Variants in PLCB1 observed in about 807,000 individuals in gnomAD.
The protein encoded by PLCB1 is phospholipase C beta 1.
Under a neutral mutation model 161.8 loss-of-function variants are expected in PLCB1, and 46 were observed. The observed-to-expected ratio is 0.28, with a 90% confidence interval of 0.22 to 0.36. The LOEUF (loss-of-function observed/expected upper bound fraction) is 0.36. Ranked by LOEUF, PLCB1 falls within the 10% of genes least tolerant of loss-of-function variation. The pLI, the probability that PLCB1 is intolerant of heterozygous loss-of-function variation, is 1.00. For missense variants in PLCB1, 1,016 were observed against 1,472.5 expected (o/e 0.69, Z 5.07); for synonymous variants, 517 against 503.7 (o/e 1.03, Z -0.35).
chr20:8,487,909 C>T (rs571343897), intron 3 of PLCB1, among the ~76,000 whole-genome samples: 128 of 152,218 alleles, frequency 8.4e-4, no homozygotes, highest in African/African-American at 2.9e-3. Flanking sequence ...CCAGGGGTGG[C>T]ACACAGGCAA....
chr20:8,552,305 A>T (rs992790839), intron 3 of PLCB1, among the ~76,000 whole-genome samples: 1 of 152,188 alleles, frequency 6.6e-6, no homozygotes, highest in Non-Finnish European at 1.5e-5. Flanking sequence ...TTTTCCTTGG[A>T]CAGTATAGAG....
intron 30 of PLCB1, 32 bp downstream of exon 30, chr20:8,789,607 A>C (rs1214511184): frequency 3.3e-6 from 5 of 1,518,822 alleles, no homozygotes; most frequent in Non-Finnish European, 4.6e-6. Flanking sequence ...TCTCCTTTGC[A>C]AAACATGTGT....
intron 3 of PLCB1, among the ~76,000 whole-genome samples, chr20:8,496,027 A>G (rs1236243942): frequency 6.6e-6 from 1 of 152,214 alleles, no homozygotes; most frequent in Non-Finnish European, 1.5e-5. Context: ...GAGCCATAAC[A>G]GAGCATAGAC....
chr20:8,170,723 C>G (rs1310549997), intron 2 of PLCB1, among the ~76,000 whole-genome samples: 1 of 152,030 alleles, frequency 6.6e-6, no homozygotes, highest in South Asian at 2.1e-4. Context: ...AAGACTGAGC[C>G]TAGGAAGAAA....
chr20:8,191,379 A>G (rs1193050150), intron 2 of PLCB1, among the ~76,000 whole-genome samples: 2 of 151,944 alleles, frequency 1.3e-5, no homozygotes, highest in Non-Finnish European at 2.9e-5. Flanking sequence ...ATTTTTTTCC[A>G]TCTGCTACCT....
chr20:8,480,998 G>C (rs1982476797), intron 3 of PLCB1, among the ~76,000 whole-genome samples: 2 of 152,114 alleles, frequency 1.3e-5, no homozygotes, highest in Admixed American at 1.3e-4. Flanking sequence ...CACGTACTGG[G>C]GAGGCTGGGG....
At chr20:8,150,008 A>G (rs2051493331) in intron 1 of PLCB1, among the ~76,000 whole-genome samples, 1 of 152,154 alleles carries the variant, frequency 6.6e-6, no homozygotes, top group African/African-American at 2.4e-5. Flanking sequence ...AATTATTTGA[A>G]AAGCTAAATA....
intron 2 of PLCB1, among the ~76,000 whole-genome samples, chr20:8,289,167 G>A (rs1019660806): frequency 3.3e-5 from 5 of 152,156 alleles, no homozygotes; most frequent in South Asian, 4.1e-4. Context: ...AACAAGTGTC[G>A]TCTGCTTATT....
At chr20:8,638,983 T>TTC (rs200333161) in intron 4 of PLCB1, among the ~76,000 whole-genome samples, 35,602 of 151,904 alleles carry the variant, frequency 0.23, 4,364 homozygotes, top group Admixed American at 0.33. Context: ...TTCTTTTCTT[T>TTC]TTTTCTCATG....
chr20:8,606,925 T>C (rs1274212716), intron 3 of PLCB1, among the ~76,000 whole-genome samples: 1 of 152,200 alleles, frequency 6.6e-6, no homozygotes, highest in Non-Finnish European at 1.5e-5. Context: ...AATTCTAGAA[T>C]GAATTGTTGG....
At chr20:8,212,682 A>G (rs901715640) in intron 2 of PLCB1, among the ~76,000 whole-genome samples, 2 of 152,152 alleles carry the variant, frequency 1.3e-5, no homozygotes, top group African/African-American at 4.8e-5. Context: ...GGCCAAAAGC[A>G]TTGTTCACTG....
At chr20:8,556,852 G>T (rs1985973279) in intron 3 of PLCB1, among the ~76,000 whole-genome samples, 1 of 151,386 alleles carries the variant, frequency 6.6e-6, no homozygotes, top group South Asian at 2.1e-4. Context: ...TTTATCCAAA[G>T]AGATATTTAA....
At chr20:8,790,338 C>A in intron 31 of PLCB1, 77 bp downstream of exon 31, 2 of 1,058,224 alleles carry the variant, frequency 1.9e-6, no homozygotes, top group Non-Finnish European at 2.8e-6. Context: ...TCCTGGTTTA[C>A]ATAAGTACCT....
chr20:8,136,397 C>A (rs1336900989), intron 1 of PLCB1, among the ~76,000 whole-genome samples: 3 of 152,108 alleles, frequency 2.0e-5, no homozygotes, highest in Non-Finnish European at 2.9e-5. Context: ...GAAGCCGAGG[C>A]GGGCAGATCA....
At chr20:8,440,131 C>T (rs1980490483) in intron 3 of PLCB1, among the ~76,000 whole-genome samples, 1 of 152,142 alleles carries the variant, frequency 6.6e-6, no homozygotes, top group South Asian at 2.1e-4. Context: ...TGCTGATCAC[C>T]TCAAGGTCGC....
At position 8,717,769 on chromosome 20, in the gene PLCB1, C is replaced by CA; in HGVS notation, c.1439dup (p.Lys481GlufsTer12). The CA allele has an allele frequency of 6.2e-7, 1 of 1,613,888 alleles. No homozygotes were observed. The highest frequency in any genetic ancestry group is 8.5e-7 in the Non-Finnish European group (1 of 1,179,862). ...CACACAAGTCATCAGAAGGAAGCGG[C>CA]AAAAAGAAGCTCTCAGAACAAGCCT... is the stretch of plus-strand genomic sequence containing the variant. On this transcript the variant is annotated frameshift_variant, in exon 14 of 32. Coordinates refer to ENST00000338037, the MANE Select transcript of PLCB1 (RefSeq NM_015192.4). LOFTEE classifies it high-confidence loss of function.
chr20:8,688,926 T>G (rs1482679115), intron 10 of PLCB1, among the ~76,000 whole-genome samples: 1 of 152,230 alleles, frequency 6.6e-6, no homozygotes, highest in Non-Finnish European at 1.5e-5. Context: ...ATTTGTAGAT[T>G]GCTTTTGGCA....
chr20:8,584,107 T>C (rs1986914039), intron 3 of PLCB1, among the ~76,000 whole-genome samples: 1 of 152,212 alleles, frequency 6.6e-6, no homozygotes, highest in Non-Finnish European at 1.5e-5. Flanking sequence ...ACTTCTAGAA[T>C]TAGTTTAATT....
At chr20:8,818,359 C>T (rs1985174252) in intron 31 of PLCB1, among the ~76,000 whole-genome samples, 1 of 152,122 alleles carries the variant, frequency 6.6e-6, no homozygotes, top group Non-Finnish European at 1.5e-5. Flanking sequence ...GGGTTTCCCA[C>T]CAGCAAATCT....
Sources: gnomAD v4.1 joint callset for allele counts (sites outside exome capture counted in the v4.1 genomes callset) on GRCh38, gnomAD v4.1.1 for gene constraint, MANE v1.5 for transcripts, NCBI Gene and HGNC (gene_info 2026-07-23, HGNC 2026-07-21) for gene names.